CYP21A2: variants seen among roughly 807,000 people sequenced by gnomAD.
The protein encoded by CYP21A2 is cytochrome P450 family 21 subfamily A member 2.
CYP21A2 carries 24 observed loss-of-function variants against 47.4 expected under a neutral mutation model. That is an observed-to-expected ratio of 0.51 (90% CI 0.37 to 0.71). The LOEUF is 0.71. Among genes scored for constraint, CYP21A2 ranks in the 30% least tolerant of loss-of-function variants. The pLI is 0.00. For synonymous variants in CYP21A2, 130 were observed against 273.9 expected (o/e 0.47, Z 5.19); for missense variants, 358 against 643.2 (o/e 0.56, Z 4.80).
intron 7 of CYP21A2, 26 bp from the exon 8 acceptor site, chr6:32,040,380 C>T (rs780316540): frequency 3.1e-6 from 5 of 1,612,274 alleles, no homozygotes; most frequent in South Asian, 2.2e-5. Flanking sequence ...GCTGCTGGGG[C>T]AGGACTCCAC....
At chr6:32,038,668 G>A (rs538071914) in intron 1 of CYP21A2, 44 bp downstream of exon 1, 41 of 1,531,654 alleles carry the variant, frequency 2.7e-5, no homozygotes, top group African/African-American at 2.1e-4. Flanking sequence ...AGGAGGGGGC[G>A]GAGGTGACGG....
At chr6:32,038,951 G>A (rs1397246743) in intron 2 of CYP21A2, 140 bp downstream of exon 2, 2 of 1,497,522 alleles carry the variant, frequency 1.3e-6, no homozygotes, top group Admixed American at 2.0e-5. Context: ...GCCACCTTTG[G>A]GGCATCCCCA....
chr6:32,039,976 G>A (rs767336445), intron 6 of CYP21A2, 29 bp from the exon 7 acceptor site: 13 of 1,611,610 alleles, frequency 8.1e-6, no homozygotes, highest in African/African-American at 4.0e-5. Flanking sequence ...CAGGCCAGCC[G>A]CTCAGCCCGC....
chr6:32,039,887 C>T, intron 6 of CYP21A2, 52 bp downstream of exon 6: 1 of 1,606,130 alleles, frequency 6.2e-7, no homozygotes, highest in Non-Finnish European at 8.5e-7. Context: ...AGTGATGCTA[C>T]CGGCCTCAGC....
rs1351096870 is a variant in CYP21A2 at position 32,041,499 on chromosome 6, C to G, written c.*365C>G. 8.1e-7 allele frequency: 1 copy of G among 1,230,960 alleles called. No homozygotes were observed. Among genetic ancestry groups the G allele is most frequent in the East Asian group, 2.5e-5 (1 of 39,878 alleles). 76.3% of individuals were successfully genotyped at this position (1,230,960 alleles called of 1,614,324 possible). On this transcript the variant is annotated 3_prime_UTR_variant, in exon 10 of 10. Coordinates refer to ENST00000644719, the MANE Select transcript of CYP21A2 (RefSeq NM_000500.9). ...GAGTCAAAGCCGGATGTCCCATCTG[C>G]TCTTCCCGTTCCCCTTAAGGAGGTA...
chr6:32,038,956 TC>T (rs1776034772), intron 2 of CYP21A2, 137 bp from the exon 3 acceptor site: 32 of 1,506,528 alleles, frequency 2.1e-5, no homozygotes, highest in Non-Finnish European at 2.6e-5. Flanking sequence ...CTTTGGGGCA[TC>T]CCCAATCCAG....
In CYP21A2 at chr6:32,039,336, C is replaced by T. The variant is rs1020670322; in HGVS notation, c.448-20C>T. 6.3e-7 allele frequency: 1 copy of T among 1,599,894 alleles called. No individual in the cohort carries two copies. The highest frequency in any genetic ancestry group is 1.3e-5 in the African/African-American group (1 of 74,660). On this transcript the variant is annotated intron_variant, in intron 3 of 9. Coordinates refer to ENST00000644719, the MANE Select transcript of CYP21A2 (RefSeq NM_000500.9). ...GCCCGCTGCACAGCGGCCTGCTGAA[C>T]TCACACTGTTTCTCCACAGCGCATG...
At position 32,039,561 on chromosome 6, in the gene CYP21A2, C is replaced by A; in HGVS notation, c.565C>A (p.Pro189Thr). Reference sequence around the variant, plus strand: ...TTTCTGGCAGGACGACAACTTAATGCCTGCCTATTACAAATGTATCCAGGA... The same window carrying A: ...TTTCTGGCAGGACGACAACTTAATGACTGCCTATTACAAATGTATCCAGGA... ...GDKIKDDNLM[P>T]AYYKCIQEVL... is the part of the protein sequence containing the mutation. The change falls in exon 5 of 10, where the codon CCT becomes ACT. Residue 189 changes from proline (P) to threonine (T), a missense_variant. Pro to Thr is a conservative substitution (Grantham distance 38, BLOSUM62 -1). Transcript: ENST00000644719. The A allele has an allele frequency of 6.3e-7, 1 of 1,583,580 alleles. No homozygotes were observed. The highest frequency in any genetic ancestry group is 8.6e-7 in the Non-Finnish European group (1 of 1,163,390).
At chr6:32,039,035 G>T (rs554519026) in intron 2 of CYP21A2, 59 bp from the exon 3 acceptor site, 1 of 1,564,380 alleles carries the variant, frequency 6.4e-7, no homozygotes, top group Non-Finnish European at 8.7e-7. Context: ...GCCGAAGAAG[G>T]TCAGGCCCTC....
intron 2 of CYP21A2, 127 bp downstream of exon 2, chr6:32,038,938 T>C (rs192217993): frequency 6.8e-7 from 1 of 1,460,604 alleles, no homozygotes; most frequent in Non-Finnish European, 9.4e-7. Context: ...GCCTCAAGTG[T>C]GAGCCACCTT....
chr6:32,039,986 C>T lies in CYP21A2; in HGVS notation c.739-19C>T. On this transcript the variant is annotated intron_variant, in intron 6 of 9. Coordinates refer to ENST00000644719, the MANE Select transcript of CYP21A2 (RefSeq NM_000500.9). ...CTCCCCAGGCCAGCCGCTCAGCCCGCTCCTTTCACCCTCTGCAGGAGAGCC... is the reference window on the plus strand; with the variant it reads ...CTCCCCAGGCCAGCCGCTCAGCCCGTTCCTTTCACCCTCTGCAGGAGAGCC... The T allele has an allele frequency of 1.2e-6, 2 of 1,611,842 alleles. No homozygotes were observed. The highest frequency in any genetic ancestry group is 2.2e-5 in the South Asian group (2 of 90,996).
chr6:32,039,398 G>A lies in CYP21A2; in HGVS notation c.490G>A (p.Glu164Lys), dbSNP rs1410365935. 1.9e-6 allele frequency: 3 copies of A among 1,612,904 alleles called. No homozygotes were observed. The African/African-American group carries it at 4.0e-5, about 22-fold the overall frequency. The part of the protein sequence containing the change: ...QPGTPVAIEE[E>K]FSLLTCSIIC... ...CGGCACCCCTGTGGCCATTGAGGAG[G>A]AATTCTCTCTCCTCACCTGCAGCAT... Residue 164 changes from glutamate to lysine, a missense_variant, in exon 4 of 10, where the codon GAA becomes AAA. Transcript: ENST00000644719.
chr6:32,038,979 C>T, intron 2 of CYP21A2, 115 bp from the exon 3 acceptor site: 1 of 1,532,428 alleles, frequency 6.5e-7, no homozygotes, highest in Non-Finnish European at 8.8e-7. Context: ...TCCCTGGAAG[C>T]TCTTGGGGGG....
In CYP21A2 at chr6:32,040,187, T is replaced by G. The variant is rs1329885362; in HGVS notation, c.921T>G (p.Phe307Leu). Residue 307 changes from phenylalanine (F) to leucine (L), a missense_variant, in exon 7 of 10, where the codon TTT becomes TTG. Coordinates refer to ENST00000644719, the MANE Select transcript of CYP21A2 (RefSeq NM_000500.9). ...TANTLSWAVV[F>L]LLHHPEIQQR... ...ACACCCTCTCCTGGGCCGTGGTTTT[T>G]TTGCTTCACCACCCTGAGGTGCGTC... 1.2e-6 allele frequency: 2 copies of G among 1,612,734 alleles called. No individual in the cohort carries two copies. The highest frequency in any genetic ancestry group is 1.3e-5 in the African/African-American group (1 of 74,930).
In CYP21A2 at chr6:32,041,639, C is replaced by T; in HGVS notation, c.*505C>T. The T allele has an allele frequency of 2.5e-5, 28 of 1,108,446 alleles. No homozygotes were observed. Among genetic ancestry groups the T allele is most frequent in the South Asian group, 5.2e-5 (4 of 77,306 alleles). The allele number at this position is 1,108,446 out of a possible 1,614,324, so 68.7% of individuals were successfully genotyped here. On this transcript the variant is annotated 3_prime_UTR_variant, in exon 10 of 10. Coordinates refer to ENST00000644719, the MANE Select transcript of CYP21A2 (RefSeq NM_000500.9). Reference sequence around the variant, plus strand: ...CCAGCCAATAAATCAACTCCAGCTCCCTCTGCGAGGCTGGCATGATTGTTC... The same window carrying T: ...CCAGCCAATAAATCAACTCCAGCTCTCTCTGCGAGGCTGGCATGATTGTTC...
rs550051210 is a variant in CYP21A2 at position 32,039,118 on chromosome 6, C to T, written c.317C>T (p.Pro106Leu). 2.6e-5 allele frequency: 42 copies of T among 1,610,268 alleles called. No individual in the cohort carries two copies. Among genetic ancestry groups the T allele is most frequent in the Admixed American group, 1.7e-4 (10 of 59,704 alleles). ...GACAAGCTGGTGTCTAGGAACTACC[C>T]GGACCTGTCCTTGGGAGACTACTCC... ...LTYKLVSRNY[P>L]DLSLGDYSLL... is the part of the protein sequence containing the mutation. The change falls in exon 3 of 10, where the codon CCG (proline) becomes CTG (leucine). Residue 106 changes from proline (P) to leucine (L), a missense_variant. Transcript: ENST00000644719.
chr6:32,040,334 T>C, intron 7 of CYP21A2, 72 bp from the exon 8 acceptor site: 2 of 1,610,292 alleles, frequency 1.2e-6, no homozygotes, highest in East Asian at 2.2e-5. Context: ...GCTCACTGGG[T>C]TGCTGAGGGA....
chr6:32,039,165 A>C lies in CYP21A2; in HGVS notation c.364A>C (p.Lys122Gln), dbSNP rs547552654. The C allele has an allele frequency of 6.2e-7, 1 of 1,609,362 alleles. No individual in the cohort carries two copies. The highest frequency in any genetic ancestry group is 1.3e-5 in the African/African-American group (1 of 74,898). Reference sequence around the variant, plus strand: ...CTCCCTGCTCTGGAAAGCCCACAAGAAGCTCACCCGCTCAGCCCTGCTGCT... The same window carrying C: ...CTCCCTGCTCTGGAAAGCCCACAAGCAGCTCACCCGCTCAGCCCTGCTGCT... ...DYSLLWKAHKKLTRSALLLGI... is the reference protein window; with the variant it reads ...DYSLLWKAHKQLTRSALLLGI... The change falls in exon 3 of 10, where the codon AAG becomes CAG. Residue 122 changes from lysine to glutamine, a missense_variant. Transcript: ENST00000644719.
In CYP21A2 at chr6:32,039,786, C is replaced by T; in HGVS notation, c.689C>T (p.Ala230Val). ...PNPGLRRLKQAIEKRDHIVEM... is the reference protein window; with the variant it reads ...PNPGLRRLKQVIEKRDHIVEM... ...CCAGGTCTCCGGAGGCTGAAGCAGG[C>T]CATAGAGAAGAGGGATCACATCGTG... The change falls in exon 6 of 10, where the codon GCC becomes GTC. Residue 230 changes from alanine (A) to valine (V), a missense_variant. By Grantham distance (64) the Ala-to-Val change is moderately conservative. Transcript: ENST00000644719. The T allele has an allele frequency of 6.2e-7, 1 of 1,613,854 alleles. No homozygotes were observed. Among genetic ancestry groups the T allele is most frequent in the South Asian group, 1.1e-5 (1 of 91,006 alleles).
Sources: gnomAD v4.1 joint callset for allele counts on GRCh38, gnomAD v4.1.1 for gene constraint, MANE v1.5 for transcripts, NCBI Gene and HGNC (gene_info 2026-07-23, HGNC 2026-07-21) for gene names.